The following EDNRA variants were observed in gnomAD, a reference collection of about 807,000 sequenced individuals.
The protein encoded by EDNRA is endothelin receptor type A.
EDNRA carries 11 observed loss-of-function variants against 41.4 expected under a neutral mutation model. The observed-to-expected ratio is 0.27, with a 90% CI of 0.17 to 0.44. The LOEUF (loss-of-function observed/expected upper bound fraction) is 0.44. Ranked by LOEUF, EDNRA falls within the 20% of genes least tolerant of loss-of-function variation. The pLI, the probability that EDNRA is intolerant of heterozygous loss-of-function variation, is 1.00. For synonymous variants in EDNRA, 172 were observed against 183.0 expected, an observed-to-expected ratio of 0.94 and a Z score of 0.49; for missense variants, 294 against 531.0, an observed-to-expected ratio of 0.55 and a Z score of 4.39.
At chr4:147,538,357 G>A (rs146610705) in intron 5 of EDNRA, among the ~76,000 whole-genome samples, 10 of 152,238 alleles carry the variant, frequency 6.6e-5, no homozygotes, top group Non-Finnish European at 1.0e-4. Context: ...CATCTAACGG[G>A]TCAAAACCCT....
rs1728934142 is a variant in EDNRA at position 147,485,999 on chromosome 4, C to T, written c.318C>T (p.Tyr106=). 8.1e-6 allele frequency: 13 copies of T among 1,614,124 alleles called. No homozygotes were observed. The highest frequency in any genetic ancestry group is 1.1e-5 in the Non-Finnish European group (13 of 1,180,048). ...VGNATLLRII[Y]QNKCMRNGPN... ...ATGCAACTCTGCTCAGGATCATTTACCAGAACAAATGTATGAGGAATGGCC... is the reference window on the plus strand; with the variant it reads ...ATGCAACTCTGCTCAGGATCATTTATCAGAACAAATGTATGAGGAATGGCC... The change falls in exon 2 of 8, where the codon TAC becomes TAT. Residue 106 remains tyrosine, a synonymous_variant. Coordinates refer to ENST00000651419, the MANE Select transcript of EDNRA (RefSeq NM_001957.4).
At chr4:147,484,480 C>G (rs186246051) in intron 1 of EDNRA, among the ~76,000 whole-genome samples, 3 of 152,312 alleles carry the variant, frequency 2.0e-5, no homozygotes, top group Admixed American at 2.0e-4. Flanking sequence ...CACCCATCAC[C>G]TGTGGCCTTG....
rs1731198335 is a variant in EDNRA, at chr4:147,543,893, T to A, written c.*1275T>A. On this transcript the variant is annotated 3_prime_UTR_variant, in exon 8 of 8. Coordinates refer to ENST00000651419, the MANE Select transcript of EDNRA (RefSeq NM_001957.4). ...CCCACCCCAACATCTCCCTCCCACA[T>A]TGTCACCATTTCAAAGGGCCCACAG... 6.6e-6 allele frequency: 1 copy of A among 152,570 alleles called. No individual in the cohort carries two copies. Among genetic ancestry groups the A allele is most frequent in the Non-Finnish European group, 1.5e-5 (1 of 68,018 alleles). The allele number at this position is 152,570 out of a possible 1,614,324, so 9.5% of individuals were successfully genotyped here. A position where few individuals can be genotyped will look rare whatever the true frequency, so the allele number is the denominator to read the frequency against.
rs147327304 is a variant in EDNRA at position 147,512,334 on chromosome 4, A to C, written c.421-7517A>C. ...AGGAAAAAATCTTCATGGCTCTGGA[A>C]CTCTGGCTTTAAAAAGTTCTCTTTC... On this transcript the variant is annotated intron_variant, in intron 2 of 7. Transcript: ENST00000651419. Among the ~76,000 whole-genome samples, 747 of 152,252 alleles carry C rather than the reference A, an allele frequency of 4.9e-3. 2 individuals are homozygous for C. Among genetic ancestry groups the C allele is most frequent in the Non-Finnish European group, 7.6e-3 (516 of 68,008 alleles).
At chr4:147,542,128 A>G (rs1251392624) in intron 7 of EDNRA, among the ~76,000 whole-genome samples, 1 of 152,156 alleles carries the variant, frequency 6.6e-6, no homozygotes, top group African/African-American at 2.4e-5. Flanking sequence ...GGAGAGCCAC[A>G]CAGGTGGTGC....
chr4:147,484,261 A>AAAATAAAT (rs375380981), intron 1 of EDNRA, among the ~76,000 whole-genome samples: 2 of 152,058 alleles, frequency 1.3e-5, no homozygotes, highest in African/African-American at 4.8e-5. Flanking sequence ...AAGTGACTTA[A>AAAATAAAT]AAATAAATAA....
intron 2 of EDNRA, chr4:147,492,828 G>A (rs1647514728): frequency 6.6e-6 from 1 of 152,076 alleles, no homozygotes. Flanking sequence ...TTTGTTATAA[G>A]GAAGTTGCTG....
intron 3 of EDNRA, 110 bp from the exon 4 acceptor site, chr4:147,532,396 A>T (rs1290128072): frequency 1.2e-6 from 1 of 857,530 alleles, no homozygotes; most frequent in Admixed American, 2.1e-5. Flanking sequence ...CTAAAAAGAC[A>T]ATTACTGGTA....
chr4:147,517,775 T>C (rs1730166369), intron 2 of EDNRA, among the ~76,000 whole-genome samples: 1 of 152,194 alleles, frequency 6.6e-6, no homozygotes, highest in Non-Finnish European at 1.5e-5. Flanking sequence ...TCTCTGTCCT[T>C]CTTTATGCCT....
chr4:147,513,817 G>T (rs1730005572), intron 2 of EDNRA, among the ~76,000 whole-genome samples: 1 of 152,174 alleles, frequency 6.6e-6, no homozygotes, highest in African/African-American at 2.4e-5. Context: ...AAGGAGAGGA[G>T]AAGAACCCTT....
chr4:147,526,320 T>G (rs1730547297), intron 3 of EDNRA, among the ~76,000 whole-genome samples: 1 of 152,184 alleles, frequency 6.6e-6, no homozygotes, highest in Non-Finnish European at 1.5e-5. Flanking sequence ...TTTGGGCAAT[T>G]CTTCTGCTCC....
At chr4:147,505,327 A>AT (rs869077171) in intron 2 of EDNRA, among the ~76,000 whole-genome samples, 1,441 of 79,632 alleles carry the variant, frequency 0.018, 100 homozygotes, top group Middle Eastern at 0.029. Flanking sequence ...TTCTTTTTTC[A>AT]TTTTTTTTTT....
At chr4:147,503,231 A>G (rs934139653) in intron 2 of EDNRA, among the ~76,000 whole-genome samples, 3 of 152,138 alleles carry the variant, frequency 2.0e-5, no homozygotes, top group African/African-American at 7.2e-5. Flanking sequence ...ATACACACAC[A>G]CTTCTTTTTA....
In EDNRA at chr4:147,505,327, A is replaced by ATTTTTTTTTTTTT. The variant is rs869077171; in HGVS notation, c.421-14508_421-14496dup. Among the ~76,000 whole-genome samples, 73 of 79,670 alleles carry ATTTTTTTTTTTTT rather than the reference A, an allele frequency of 9.2e-4. 6 individuals carry two copies. Among genetic ancestry groups the ATTTTTTTTTTTTT allele is most frequent in the African/African-American group, 2.7e-3 (51 of 18,890 alleles). 52.3% of individuals were successfully genotyped at this position (79,670 alleles called of 152,430 possible). On this transcript the variant is annotated intron_variant, in intron 2 of 7. Transcript: ENST00000651419. ...AGAGAGTTTGGCAGTTTCTTTTTTC[A>ATTTTTTTTTTTTT]TTTTTTTTTTTTTTTTTTTTTTTTT...
In EDNRA at chr4:147,519,667, A is replaced by G. The variant is rs1730244560; in HGVS notation, c.421-184A>G. On this transcript the variant is annotated intron_variant, in intron 2 of 7. Transcript: ENST00000651419. The surrounding 1 kb of genome is among the most constrained non-coding windows in gnomAD (Gnocchi z 4.1). ...TATATCTGTATATCTTTCCAGACTA[A>G]AAATTGCTGAGGCTTTAAAATACGA... Among the ~76,000 whole-genome samples the G allele has an allele frequency of 6.6e-6, 1 of 151,864 alleles. No homozygotes were observed. Among genetic ancestry groups the G allele is most frequent in the Non-Finnish European group, 1.5e-5 (1 of 67,978 alleles).
At chr4:147,526,085 G>C (rs891780384) in intron 3 of EDNRA, among the ~76,000 whole-genome samples, 1 of 152,256 alleles carries the variant, frequency 6.6e-6, no homozygotes, top group African/African-American at 2.4e-5. Context: ...CAGAAGACAT[G>C]AGCAGGGAAC....
chr4:147,507,614 T>G (rs1234205662), intron 2 of EDNRA, among the ~76,000 whole-genome samples: 1 of 152,210 alleles, frequency 6.6e-6, no homozygotes, highest in African/African-American at 2.4e-5. Context: ...GTTCTGTATC[T>G]TGACTGGTGA....
chr4:147,506,227 T>C (rs1729712355), intron 2 of EDNRA: 4 of 520,012 alleles, frequency 7.7e-6, no homozygotes, highest in South Asian at 5.7e-5. Flanking sequence ...ATTCATGATA[T>C]TGGCCGAAAA....
chr4:147,531,747 C>T (rs559821180), intron 3 of EDNRA: 470 of 152,692 alleles, frequency 3.1e-3, no homozygotes, highest in Non-Finnish European at 5.4e-3. Context: ...TGGCTCACGC[C>T]TGTAATCCCA....
Sources: allele counts gnomAD v4.1 joint callset (sites outside exome capture counted in the v4.1 genomes callset), GRCh38; gene constraint gnomAD v4.1.1; non-coding constraint Gnocchi (gnomAD v3.1); transcripts MANE v1.5; gene names NCBI Gene and HGNC (gene_info 2026-07-23, HGNC 2026-07-21).